ASAH2: variants seen among roughly 807,000 people sequenced by gnomAD.
The protein encoded by ASAH2 is neutral ceramidase.
A neutral mutation model predicts 82.9 loss-of-function variants in ASAH2; 58 were observed. That is an observed-to-expected ratio of 0.70 (90% CI 0.57 to 0.87). ASAH2 has a LOEUF of 0.87. Ranked by LOEUF, ASAH2 falls within the 40% of genes least tolerant of loss-of-function variation. ASAH2 has a pLI of 0.00. For synonymous variants in ASAH2, 276 were observed against 289.7 expected (o/e 0.95, Z 0.48); for missense variants, 779 against 834.0 (o/e 0.93, Z 0.81).
chr10:50,208,795 A>C (rs1845378675), intron 12 of ASAH2, among the ~76,000 whole-genome samples: 2 of 152,164 alleles, frequency 1.3e-5, no homozygotes, highest in Non-Finnish European at 2.9e-5. Flanking sequence ...CTTCTTTGTA[A>C]AAATTTACAA....
chr10:50,206,101 T>C lies in ASAH2; in HGVS notation c.1415-4A>G. ...AATGGATCCCCTTCTGTTTTCCCTATTAGAAATGTTATAATTAGTATACTT... is the reference window on the plus strand; with the variant it reads ...AATGGATCCCCTTCTGTTTTCCCTACTAGAAATGTTATAATTAGTATACTT... On this transcript the variant is annotated splice_region_variant and splice_polypyrimidine_tract_variant and intron_variant, in intron 12 of 20. Coordinates refer to ENST00000682911, the MANE Select transcript of ASAH2 (RefSeq NM_019893.4). The C allele has an allele frequency of 6.3e-7, 1 of 1,596,020 alleles. No individual in the cohort carries two copies. Among genetic ancestry groups the C allele is most frequent in the African/African-American group, 1.3e-5 (1 of 74,622 alleles).
intron 10 of ASAH2, 146 bp downstream of exon 10, chr10:50,212,826 C>A: frequency 1.2e-6 from 1 of 808,714 alleles, no homozygotes; most frequent in Admixed American, 2.0e-5. Flanking sequence ...CAAAGGCCAC[C>A]TCCCAAGCTG....
chr10:50,243,161 C>A, intron 4 of ASAH2, 41 bp downstream of exon 4: 2 of 1,607,082 alleles, frequency 1.2e-6, no homozygotes, highest in Non-Finnish European at 1.7e-6. Flanking sequence ...TTCCTTAAAC[C>A]ATATCATTTC....
At chr10:50,200,032 A>T (rs1230613277) in intron 16 of ASAH2, among the ~76,000 whole-genome samples, 1 of 151,346 alleles carries the variant, frequency 6.6e-6, no homozygotes, top group Non-Finnish European at 1.5e-5. Context: ...CCAGGTAATA[A>T]GCACAGTACC....
intron 7 of ASAH2, among the ~76,000 whole-genome samples, chr10:50,221,403 A>G (rs1375156001): frequency 6.6e-6 from 1 of 152,226 alleles, no homozygotes; most frequent in Non-Finnish European, 1.5e-5. Context: ...TATTTCCATT[A>G]CAATCAAAGA....
chr10:50,238,761 T>C (rs1354862617), intron 4 of ASAH2, among the ~76,000 whole-genome samples: 2 of 152,170 alleles, frequency 1.3e-5, no homozygotes, highest in Non-Finnish European at 2.9e-5. Context: ...ATTAAATGCA[T>C]TTCTTCATGT....
intron 5 of ASAH2, among the ~76,000 whole-genome samples, chr10:50,235,656 A>T (rs1024773233): frequency 6.6e-6 from 1 of 152,130 alleles, no homozygotes; most frequent in Non-Finnish European, 1.5e-5. Context: ...AAATAACTAC[A>T]TTGGGCTTAG....
Position 50,196,870 on chromosome 10 carries a change from T to C in ASAH2, c.1907A>G (p.Gln636Arg). The C allele has an allele frequency of 6.2e-7, 1 of 1,611,478 alleles. No individual in the cohort carries two copies. Among genetic ancestry groups the C allele is most frequent in the Non-Finnish European group, 8.5e-7 (1 of 1,179,614 alleles). Residue 636 changes from glutamine to arginine, a missense_variant, in exon 18 of 21, where the codon CAA (glutamine) becomes CGA (arginine). Gln to Arg is a conservative substitution (Grantham distance 43). Around this residue, in one of 3 missense-constraint regions of ASAH2, gnomAD observed 6 missense variants for 62.6 expected, o/e 0.10. Coordinates refer to ENST00000682911, the MANE Select transcript of ASAH2 (RefSeq NM_019893.4). ...ACTAGGAATTAATGGAACTATTAAT[T>C]GTTTGAAAAAGGGAGGTTCTGGACC... ...SRGPEPPFFK[Q>R]LIVPLIPSIV...
rs752003480 is a variant in ASAH2, at chr10:50,214,852, G to C, written c.1031C>G (p.Ala344Gly). The C allele has an allele frequency of 5.6e-6, 9 of 1,613,508 alleles. No homozygotes were observed. The Admixed American group carries it at 8.3e-5, about 15-fold the overall frequency. The change falls in exon 9 of 21, where the codon GCC becomes GGC. Residue 344 changes from alanine (A) to glycine (G), a missense_variant. Ala to Gly is a moderately conservative substitution (Grantham distance 60, BLOSUM62 0). Around this residue, in one of 3 missense-constraint regions of ASAH2, gnomAD observed 759 missense variants for 755.2 expected, o/e 1.00. Transcript: ENST00000682911. ...YLPGQGPFVAAFASSNLGDVS... is the reference protein window; with the variant it reads ...YLPGQGPFVAGFASSNLGDVS... The stretch of plus-strand genomic sequence containing the variant: ...ATCTCCTAGGTTTGATGAAGCAAAG[G>C]CTGCTACAAATGGCCCCTGCCAAAA...
chr10:50,247,454 C>T (rs533638948), intron 2 of ASAH2, among the ~76,000 whole-genome samples: 7 of 152,076 alleles, frequency 4.6e-5, no homozygotes, highest in East Asian at 3.9e-4. Context: ...TGTGAGCCAC[C>T]GGGCCCAGCC....
intron 7 of ASAH2, among the ~76,000 whole-genome samples, chr10:50,218,832 A>G (rs931787923): frequency 3.3e-5 from 5 of 152,240 alleles, no homozygotes; most frequent in African/African-American, 1.2e-4. Flanking sequence ...ATTTTCTTAA[A>G]TTAAAAATAC....
Position 50,204,910 on chromosome 10 carries a change from T to A in ASAH2, c.1576A>T (p.Ile526Phe). Residue 526 changes from isoleucine (I) to phenylalanine (F), a missense_variant, in exon 14 of 21, where the codon ATT (isoleucine) becomes TTT (phenylalanine). Ile to Phe is a conservative substitution (Grantham distance 21). This residue lies in a region of ASAH2 where 759 missense variants were observed against 755.2 expected (regional missense o/e 1.00). Transcript: ENST00000682911. ...PWHPDIVDVQ[I>F]ITLGSLAITA... ...ATGGCCAAGGACCCAAGGGTAATAATCTGAACATCAACAATGTCTGGATGC... is the reference window on the plus strand; with the variant it reads ...ATGGCCAAGGACCCAAGGGTAATAAACTGAACATCAACAATGTCTGGATGC... The A allele has an allele frequency of 6.2e-7, 1 of 1,611,736 alleles. No individual in the cohort carries two copies. Among genetic ancestry groups the A allele is most frequent in the Non-Finnish European group, 8.5e-7 (1 of 1,178,810 alleles).
At chr10:50,241,421 A>C (rs1447149893) in intron 4 of ASAH2, among the ~76,000 whole-genome samples, 1 of 152,182 alleles carries the variant, frequency 6.6e-6, no homozygotes, top group Non-Finnish European at 1.5e-5. Flanking sequence ...CACCACCTAG[A>C]AAATGACCTC....
chr10:50,202,808 G>A (rs1309576390), intron 16 of ASAH2, 21 bp downstream of exon 16: 1 of 1,497,930 alleles, frequency 6.7e-7, no homozygotes, highest in African/African-American at 1.4e-5. Flanking sequence ...TCATTTAAAT[G>A]ATGAAAACGT....
intron 8 of ASAH2, among the ~76,000 whole-genome samples, chr10:50,217,696 C>T (rs1845642025): frequency 6.6e-6 from 1 of 152,162 alleles, no homozygotes; most frequent in African/African-American, 2.4e-5. Flanking sequence ...ATTACCCAGT[C>T]TCAGTTATTC....
intron 1 of ASAH2, among the ~76,000 whole-genome samples, chr10:50,249,154 G>A (rs1345928323): frequency 6.6e-6 from 1 of 152,092 alleles, no homozygotes; most frequent in Non-Finnish European, 1.5e-5. Flanking sequence ...CCGTAACTTT[G>A]GCCTTTACAC....
intron 13 of ASAH2, among the ~76,000 whole-genome samples, chr10:50,205,779 C>T (rs1393008754): frequency 5.9e-5 from 9 of 151,864 alleles, no homozygotes; most frequent in African/African-American, 2.2e-4. Context: ...ATCATAAGTG[C>T]AATAGGTAAA....
intron 18 of ASAH2, among the ~76,000 whole-genome samples, chr10:50,194,005 G>A (rs1444641689): frequency 4.0e-5 from 6 of 151,272 alleles, no homozygotes; most frequent in Admixed American, 2.0e-4. Context: ...CATATAACAA[G>A]TAAAGAAATT....
intron 13 of ASAH2, among the ~76,000 whole-genome samples, chr10:50,205,622 T>A (rs1460360429): frequency 4.6e-5 from 7 of 152,020 alleles, no homozygotes; most frequent in Non-Finnish European, 1.5e-5. Flanking sequence ...GACAGGAACA[T>A]GTTTTGTTTT....
Sources: gnomAD v4.1 joint callset for allele counts (sites outside exome capture counted in the v4.1 genomes callset) on GRCh38, gnomAD v4.1.1 for gene constraint, gnomAD v4.1.1 regional missense constraint, MANE v1.5 for transcripts, NCBI Gene and HGNC (gene_info 2026-07-23, HGNC 2026-07-21) for gene names.